Variants in ZNF100 observed in about 807,000 individuals in gnomAD.
The protein encoded by ZNF100 is zinc finger protein 100.
In ZNF100, 12 loss-of-function variants were observed where a neutral mutation model predicts 15.8. The observed-to-expected ratio is 0.76, with a 90% CI of 0.49 to 1.23. The LOEUF (loss-of-function observed/expected upper bound fraction) is 1.23. ZNF100 is among the 50% of genes most tolerant of loss of function. The pLI is 0.00. For synonymous variants in ZNF100, 226 were observed against 214.8 expected, an observed-to-expected ratio of 1.05 and a Z score of -0.45; for missense variants, 670 against 635.6, an observed-to-expected ratio of 1.05 and a Z score of -0.58.
chr19:21,742,376 C>CTTTTT (rs59997375), intron 4 of ZNF100, among the ~76,000 whole-genome samples: 3 of 86,132 alleles, frequency 3.5e-5, no homozygotes, highest in East Asian at 6.6e-4. Context: ...TTTTCTTTTT[C>CTTTTT]TTTTTTTTTT....
At chr19:21,759,492 G>A (rs2036445935) in intron 2 of ZNF100, among the ~76,000 whole-genome samples, 1 of 152,106 alleles carries the variant, frequency 6.6e-6, no homozygotes, top group Non-Finnish European at 1.5e-5. Context: ...AGAGCAACTC[G>A]ATTTTGAATA....
At position 21,723,933 on chromosome 19, in the gene ZNF100, A is replaced by C. The variant is rs2035726311; in HGVS notation, c.*2750T>G. 1.3e-5 allele frequency: 2 copies of C among 152,224 alleles called. No homozygotes were observed. The highest frequency in any genetic ancestry group is 1.3e-4 in the Admixed American group (2 of 15,284). The allele number at this position is 152,224 out of a possible 1,614,324, so 9.4% of individuals were successfully genotyped here. On this transcript the variant is annotated 3_prime_UTR_variant, in exon 5 of 5. Transcript: ENST00000358296. ...AAACAAAATGAAGTGTTCTAACTAA[A>C]TAAAATGTAACTTAATACACTAATT... is the stretch of plus-strand genomic sequence containing the variant.
rs964279699 is a variant in ZNF100, at chr19:21,747,338, T to C, written c.97-2271A>G. Among the ~76,000 whole-genome samples the C allele has an allele frequency of 2.6e-5, 4 of 151,980 alleles. No individual in the cohort carries two copies. The South Asian group carries it at 8.3e-4, about 32-fold the overall frequency. On this transcript the variant is annotated intron_variant, in intron 2 of 4. Coordinates refer to ENST00000358296, the MANE Select transcript of ZNF100 (RefSeq NM_173531.4). ...TCCACCCACAACAATAAACAGAAGC[T>C]GTGGGGAAGGCACAAGAGATTTTTG... is the stretch of plus-strand genomic sequence containing the variant.
chr19:21,766,904 G>T (rs1160306035), intron 1 of ZNF100, among the ~76,000 whole-genome samples: 1 of 152,188 alleles, frequency 6.6e-6, no homozygotes, highest in Non-Finnish European at 1.5e-5. Flanking sequence ...TGAGCCAGGA[G>T]AATCTCCAGA....
chr19:21,748,583 A>C (rs1228803767), intron 2 of ZNF100, among the ~76,000 whole-genome samples: 1 of 152,382 alleles, frequency 6.6e-6, no homozygotes, highest in East Asian at 1.9e-4. Context: ...GAAGATAAGT[A>C]TGTATTCTAA....
chr19:21,740,113 C>T lies in ZNF100; in HGVS notation c.322+3904G>A, dbSNP rs192882724. ...CTACAATAACAAAAACAGTATGGTA[C>T]TGATACAAAGACAGATAAACAGATG... On this transcript the variant is annotated intron_variant, in intron 4 of 4. Coordinates refer to ENST00000358296, the MANE Select transcript of ZNF100 (RefSeq NM_173531.4). 2.7e-3 allele frequency among the ~76,000 whole-genome samples: 414 copies of T among 152,194 alleles called. 2 individuals are homozygous for T. The highest frequency in any genetic ancestry group is 9.6e-3 in the African/African-American group (397 of 41,500).
At chr19:21,754,149 T>A (rs1014484637) in intron 2 of ZNF100, among the ~76,000 whole-genome samples, 3 of 152,058 alleles carry the variant, frequency 2.0e-5, no homozygotes, top group Non-Finnish European at 4.4e-5. Context: ...ATATTTCACA[T>A]CATATTGTGC....
rs1364011422 is a variant in ZNF100, at chr19:21,727,050, CTCTTA to C, written c.1257_1261del (p.His419GlnfsTer12). 1.2e-6 allele frequency: 2 copies of C among 1,607,696 alleles called. No homozygotes were observed. Among genetic ancestry groups the C allele is most frequent in the Middle Eastern group, 1.7e-4 (1 of 6,006 alleles). On this transcript the variant is annotated frameshift_variant, in exon 5 of 5. Transcript: ENST00000358296. LOFTEE classifies it low-confidence loss of function (END_TRUNC). The stretch of plus-strand genomic sequence containing the variant: ...GTAGGGTTTCTCTCCAGTATGAATT[CTCTTA>C]TGTTTAGTGAGGGCTGAGGACCAGT...
In ZNF100 at chr19:21,726,932, G is replaced by A. The variant is rs533592689; in HGVS notation, c.1380C>T (p.Asp460=). The change falls in exon 5 of 5, where the codon GAC becomes GAT. Residue 460 remains aspartate (D), a synonymous_variant. Transcript: ENST00000358296. ...ACCGGTTAAAGGCTTTGCCACATTC[G>A]TCACATTTGTAGGGTTTCTCTCCAG... is the stretch of plus-strand genomic sequence containing the variant. ...IHTGEKPYKC[D]ECGKAFNRSS... is the part of the protein sequence containing the mutation. The A allele has an allele frequency of 5.3e-5, 82 of 1,561,170 alleles. No individual in the cohort carries two copies. Among genetic ancestry groups the A allele is most frequent in the Non-Finnish European group, 6.2e-5 (72 of 1,152,888 alleles).
At chr19:21,765,515 CCAATATTTTTCTTTATATTTATTT>C (rs1251338203) in intron 2 of ZNF100, among the ~76,000 whole-genome samples, 155 bp downstream of exon 2, 3 of 151,916 alleles carry the variant, frequency 2.0e-5, no homozygotes, top group Non-Finnish European at 2.9e-5. Context: ...ACTTTTTTTT[CCAATATTTTTCTTTATATTTATTT>C]CACTATTTTT....
chr19:21,727,096 A>G lies in ZNF100; in HGVS notation c.1216T>C (p.Cys406Arg). The change falls in exon 5 of 5, where the codon TGC (cysteine) becomes CGC (arginine). Residue 406 changes from cysteine (C) to arginine (R), a missense_variant. Physicochemically the swap from Cys to Arg is radical, Grantham distance 180. Coordinates refer to ENST00000358296, the MANE Select transcript of ZNF100 (RefSeq NM_173531.4). ...TGEKFYKCEE[C>R]GKGFNWSSAL... is the part of the protein sequence containing the mutation. ...GAGGACCAGTTAAAGCCTTTGCCGCATTCTTCACATTTGTAGAATTTCTCT... is the reference window on the plus strand; with the variant it reads ...GAGGACCAGTTAAAGCCTTTGCCGCGTTCTTCACATTTGTAGAATTTCTCT... The G allele has an allele frequency of 6.2e-7, 1 of 1,613,486 alleles. No homozygotes were observed. Among genetic ancestry groups the G allele is most frequent in the African/African-American group, 1.3e-5 (1 of 74,826 alleles).
rs1452781448 is a variant in ZNF100, at chr19:21,726,502, A to C, written c.*181T>G. ...GAAAAGTTTGAGGTGTTTTCAAAGC[A>C]CTGTCACATCTTTCTGGTTTGTAGA... is the stretch of plus-strand genomic sequence containing the variant. On this transcript the variant is annotated 3_prime_UTR_variant, in exon 5 of 5. Coordinates refer to ENST00000358296, the MANE Select transcript of ZNF100 (RefSeq NM_173531.4). 11 of 583,938 alleles carry C rather than the reference A, an allele frequency of 1.9e-5. No individual in the cohort carries two copies. The highest frequency in any genetic ancestry group is 2.9e-5 in the Non-Finnish European group (10 of 346,948). The allele number at this position is 583,938 out of a possible 1,614,324, so 36.2% of individuals were successfully genotyped here.
intron 2 of ZNF100, among the ~76,000 whole-genome samples, chr19:21,758,677 C>T (rs1391129425): frequency 3.3e-5 from 5 of 152,098 alleles, no homozygotes; most frequent in South Asian, 2.1e-4. Flanking sequence ...GGATCCACAA[C>T]GCTGTAGTGA....
At chr19:21,730,445 AGTGTGTGTGTGTGTGT>A (rs58942514) in intron 4 of ZNF100, among the ~76,000 whole-genome samples, 5 of 147,604 alleles carry the variant, frequency 3.4e-5, no homozygotes, top group African/African-American at 1.2e-4. Flanking sequence ...TGATAACCTA[AGTGTGTGTGTGTGTGT>A]GTGTGTGTGT....
intron 2 of ZNF100, among the ~76,000 whole-genome samples, chr19:21,761,300 G>A (rs997362313): frequency 1.3e-5 from 2 of 152,268 alleles, no homozygotes; most frequent in Admixed American, 1.3e-4. Context: ...AAATATTTGT[G>A]AGTATTCTGA....
chr19:21,765,895 G>T, intron 1 of ZNF100, 109 bp from the exon 2 acceptor site: 1 of 1,117,012 alleles, frequency 9.0e-7, no homozygotes, highest in South Asian at 1.4e-5. Flanking sequence ...CCAGGACCAG[G>T]AAAAAACTAA....
intron 2 of ZNF100, among the ~76,000 whole-genome samples, chr19:21,763,643 TG>T (rs1226197014): frequency 6.6e-6 from 1 of 152,180 alleles, no homozygotes; most frequent in African/African-American, 2.4e-5. Context: ...AAATTTTACG[TG>T]GGCTCCTGAA....
At chr19:21,751,050 C>A in intron 2 of ZNF100, 2 of 1,371,458 alleles carry the variant, frequency 1.5e-6, no homozygotes, top group Non-Finnish European at 2.1e-6. Flanking sequence ...TCAGCGACCA[C>A]GAGATGCCCT....
intron 2 of ZNF100, 95 bp downstream of exon 2, chr19:21,765,595 TCCCC>T: frequency 9.7e-7 from 1 of 1,033,122 alleles, no homozygotes; most frequent in Non-Finnish European, 1.5e-6. Flanking sequence ...TTTTTGTGTT[TCCCC>T]TCAATACCAG....
Sources: allele counts gnomAD v4.1 joint callset (sites outside exome capture counted in the v4.1 genomes callset), GRCh38; gene constraint gnomAD v4.1.1; transcripts MANE v1.5; gene names NCBI Gene and HGNC (gene_info 2026-07-23, HGNC 2026-07-21).